The following RFTN1 variants were observed in gnomAD, a reference collection of about 807,000 sequenced individuals.
The protein encoded by RFTN1 is raftlin.
A neutral mutation model predicts 46.5 loss-of-function variants in RFTN1; 26 were observed. The observed-to-expected ratio is 0.56, with a 90% CI of 0.41 to 0.78. The LOEUF (loss-of-function observed/expected upper bound fraction) is 0.78. Ranked by LOEUF, RFTN1 falls within the 30% of genes least tolerant of loss-of-function variation. RFTN1 has a pLI of 0.00. For synonymous variants in RFTN1, 261 were observed against 284.2 expected, an observed-to-expected ratio of 0.92 and a Z score of 0.82; for missense variants, 693 against 718.7, an observed-to-expected ratio of 0.96 and a Z score of 0.41.
chr3:16,438,377 G>T (rs1476485603), intron 2 of RFTN1, among the ~76,000 whole-genome samples: 1 of 151,832 alleles, frequency 6.6e-6, no homozygotes, highest in Non-Finnish European at 1.5e-5. Context: ...TTGAGAGCAG[G>T]AGTTCGAGAC....
rs2068967431 is a variant in RFTN1, at chr3:16,320,831, G to A, written c.1332+2545C>T. On this transcript the variant is annotated intron_variant, in intron 9 of 9. Coordinates refer to ENST00000334133, the MANE Select transcript of RFTN1 (RefSeq NM_015150.2). The surrounding 1 kb of genome is among the most constrained non-coding windows in gnomAD (Gnocchi z 4.5). ...ATCCCTTGGGGCCTTGAGGGCCACA[G>A]TACTGATTTCCATCTTTGTCTTCAG... Among the ~76,000 whole-genome samples the A allele has an allele frequency of 6.6e-6, 1 of 152,244 alleles. No homozygotes were observed. Among genetic ancestry groups the A allele is most frequent in the African/African-American group, 2.4e-5 (1 of 41,458 alleles).
intron 8 of RFTN1, among the ~76,000 whole-genome samples, chr3:16,326,569 A>G (rs968517395): frequency 3.3e-5 from 5 of 152,038 alleles, no homozygotes; most frequent in African/African-American, 1.2e-4. Flanking sequence ...CCCATGTGGG[A>G]AGAGGGGTGC....
At position 16,348,847 on chromosome 3, in the gene RFTN1, C is replaced by G. The variant is rs1273223544; in HGVS notation, c.1146+9085G>C. 2.0e-5 allele frequency among the ~76,000 whole-genome samples: 3 copies of G among 152,164 alleles called. No homozygotes were observed. The highest frequency in any genetic ancestry group is 4.8e-5 in the African/African-American group (2 of 41,420). ...GGAAGCAGGAGGACTGGTTTTGGTC[C>G]AATAGCCCATCATCTCTGTGTCCTG... On this transcript the variant is annotated intron_variant, in intron 7 of 9. Transcript: ENST00000334133. This position sits in a 1 kb window ranked among gnomAD's most constrained non-coding sequence, Gnocchi z 6.3.
chr3:16,420,713 TG>T (rs2125467634), intron 3 of RFTN1, among the ~76,000 whole-genome samples: 1 of 152,378 alleles, frequency 6.6e-6, no homozygotes, highest in Non-Finnish European at 1.5e-5. Context: ...ATTCAGCCAG[TG>T]CAACTGAAGA....
chr3:16,467,004 A>C (rs1011655463), intron 2 of RFTN1, among the ~76,000 whole-genome samples: 2 of 152,222 alleles, frequency 1.3e-5, no homozygotes, highest in Admixed American at 6.5e-5. Context: ...TGGCAGGCCT[A>C]AGGTCAATTC....
intron 3 of RFTN1, chr3:16,416,267 C>T (rs754765808): frequency 1.5e-5 from 7 of 452,800 alleles, no homozygotes; most frequent in Non-Finnish European, 3.1e-5. Flanking sequence ...AGTGTAGCAA[C>T]ATAGTTTTAA....
In RFTN1 at chr3:16,320,989, G is replaced by A. The variant is rs2068984616; in HGVS notation, c.1332+2387C>T. Among the ~76,000 whole-genome samples, 1 of 152,240 alleles carries A rather than the reference G, an allele frequency of 6.6e-6. No homozygotes were observed. The highest frequency in any genetic ancestry group is 2.1e-4 in the South Asian group (1 of 4,830). Reference sequence around the variant, plus strand: ...CTATTATTAGGAGATTAGAATAGCTGAGGCGAGTGATGGTAGAGAGAAGTG... The same window carrying A: ...CTATTATTAGGAGATTAGAATAGCTAAGGCGAGTGATGGTAGAGAGAAGTG... On this transcript the variant is annotated intron_variant, in intron 9 of 9. Coordinates refer to ENST00000334133, the MANE Select transcript of RFTN1 (RefSeq NM_015150.2). The surrounding 1 kb of genome is among the most constrained non-coding windows in gnomAD (Gnocchi z 4.5).
intron 2 of RFTN1, among the ~76,000 whole-genome samples, chr3:16,455,984 C>T (rs71310348): frequency 1.7e-4 from 25 of 151,456 alleles, no homozygotes; most frequent in African/African-American, 4.6e-4. Flanking sequence ...CCCCCACCCC[C>T]GTCTCTGCAT....
rs2075299862 is a variant in RFTN1 at position 16,426,909 on chromosome 3, G to C, written c.332+6942C>G. ...ATATCTATTCAAGGCCTGGCACTCT[G>C]AGCAAGCAATGGGAATCCAAAGATG... On this transcript the variant is annotated intron_variant, in intron 3 of 9. Transcript: ENST00000334133. This position sits in a 1 kb window ranked among gnomAD's most constrained non-coding sequence, Gnocchi z 5.9. 6.6e-6 allele frequency among the ~76,000 whole-genome samples: 1 copy of C among 152,172 alleles called. No homozygotes were observed. Among genetic ancestry groups the C allele is most frequent in the African/African-American group, 2.4e-5 (1 of 41,432 alleles).
Position 16,336,481 on chromosome 3 carries a change from C to T in RFTN1, c.1147-9605G>A, listed in dbSNP as rs2070860101. 6.6e-6 allele frequency among the ~76,000 whole-genome samples: 1 copy of T among 152,164 alleles called. No individual in the cohort carries two copies. ...CCTTCCTCACCCTCAGCCTCCCAGGCCTCTGCGGGAGGGAGGGACAGGCAC... is the reference window on the plus strand; with the variant it reads ...CCTTCCTCACCCTCAGCCTCCCAGGTCTCTGCGGGAGGGAGGGACAGGCAC... On this transcript the variant is annotated intron_variant, in intron 7 of 9. Coordinates refer to ENST00000334133, the MANE Select transcript of RFTN1 (RefSeq NM_015150.2). The surrounding 1 kb of genome is among the most constrained non-coding windows in gnomAD (Gnocchi z 6.0).
At chr3:16,420,262 G>T (rs1031909358) in intron 3 of RFTN1, among the ~76,000 whole-genome samples, 6 of 152,308 alleles carry the variant, frequency 3.9e-5, no homozygotes, top group African/African-American at 1.2e-4. Context: ...GGGAGCTGGG[G>T]GAGGGTCCTG....
At position 16,512,286 on chromosome 3, in the gene RFTN1, C is replaced by G. The variant is rs1316097081; in HGVS notation, c.-9+1156G>C. ...CCTTAACTTATCCTGAGATGACACACGATGGCAGGGGTTGGAAGATGCCTA... is the reference window on the plus strand; with the variant it reads ...CCTTAACTTATCCTGAGATGACACAGGATGGCAGGGGTTGGAAGATGCCTA... On this transcript the variant is annotated intron_variant, in intron 1 of 9. Coordinates refer to ENST00000334133, the MANE Select transcript of RFTN1 (RefSeq NM_015150.2). This position sits in a 1 kb window ranked among gnomAD's most constrained non-coding sequence, Gnocchi z 4.3. Among the ~76,000 whole-genome samples the G allele has an allele frequency of 6.6e-6, 1 of 152,154 alleles. No individual in the cohort carries two copies.
At chr3:16,366,352 C>T (rs2073170596) in intron 6 of RFTN1, among the ~76,000 whole-genome samples, 2 of 152,228 alleles carry the variant, frequency 1.3e-5, no homozygotes, top group African/African-American at 4.8e-5. Context: ...GTCTCTCCTC[C>T]TGGTCTTTCC....
chr3:16,355,964 T>G (rs2072405745), intron 7 of RFTN1, among the ~76,000 whole-genome samples: 1 of 152,146 alleles, frequency 6.6e-6, no homozygotes, highest in Non-Finnish European at 1.5e-5. Flanking sequence ...TGCCAATCAC[T>G]CGGCACAGGC....
chr3:16,371,535 T>C (rs1245616055), intron 5 of RFTN1, among the ~76,000 whole-genome samples: 1 of 152,218 alleles, frequency 6.6e-6, no homozygotes, highest in Non-Finnish European at 1.5e-5. Context: ...CATCTAAAAT[T>C]ATCTCACATA....
At chr3:16,441,307 A>G (rs1464062291) in intron 2 of RFTN1, among the ~76,000 whole-genome samples, 1 of 149,340 alleles carries the variant, frequency 6.7e-6, no homozygotes, top group African/African-American at 2.4e-5. Context: ...ACTAAAAAAA[A>G]AAAAAAAAAA....
At chr3:16,491,035 A>G (rs2076532209) in intron 2 of RFTN1, among the ~76,000 whole-genome samples, 1 of 152,244 alleles carries the variant, frequency 6.6e-6, no homozygotes, top group Non-Finnish European at 1.5e-5. Context: ...CTCTCTTCTA[A>G]TGAAGAAAGG....
In RFTN1 at chr3:16,484,644, A is replaced by G. The variant is rs1031051879; in HGVS notation, c.145+9081T>C. 1 of 152,206 alleles carries G rather than the reference A, an allele frequency of 6.6e-6. No homozygotes were observed. Among genetic ancestry groups the G allele is most frequent in the African/African-American group, 2.4e-5 (1 of 41,454 alleles). 9.4% of individuals were successfully genotyped at this position (152,206 alleles called of 1,614,324 possible). On this transcript the variant is annotated intron_variant, in intron 2 of 9. Coordinates refer to ENST00000334133, the MANE Select transcript of RFTN1 (RefSeq NM_015150.2). The surrounding 1 kb of genome is among the most constrained non-coding windows in gnomAD (Gnocchi z 4.6). Reference sequence around the variant, plus strand: ...AGAAATAGAAGAAGACAAGCTTGAGAAAGGGGCAAAGGTGAATAAATTACC... The same window carrying G: ...AGAAATAGAAGAAGACAAGCTTGAGGAAGGGGCAAAGGTGAATAAATTACC...
intron 6 of RFTN1, among the ~76,000 whole-genome samples, chr3:16,367,321 A>G (rs2073249364): frequency 6.6e-6 from 1 of 152,046 alleles, no homozygotes; most frequent in South Asian, 2.1e-4. Flanking sequence ...TCACACACGT[A>G]TTTCATCCCT....
Sources: allele counts gnomAD v4.1 joint callset (sites outside exome capture counted in the v4.1 genomes callset), GRCh38; gene constraint gnomAD v4.1.1; non-coding constraint Gnocchi (gnomAD v3.1); transcripts MANE v1.5; gene names NCBI Gene and HGNC (gene_info 2026-07-23, HGNC 2026-07-21).